The following RUFY3 variants were observed in gnomAD, a reference collection of about 807,000 sequenced individuals.
RUFY3 encodes protein RUFY3.
In RUFY3, 34 loss-of-function variants were observed where a neutral mutation model predicts 84.0. The ratio of observed to expected loss-of-function variants is 0.40; its 90% CI spans 0.31 to 0.54. The LOEUF (loss-of-function observed/expected upper bound fraction) is 0.54. Among genes scored for constraint, RUFY3 ranks in the 20% least tolerant of loss-of-function variants. The probability of loss-of-function intolerance (pLI) is 0.39; values close to 1 mark genes in which losing one functional copy is unlikely to be tolerated. For synonymous variants in RUFY3, 242 were observed against 252.9 expected, an observed-to-expected ratio of 0.96 and a Z score of 0.41; for missense variants, 507 against 736.8, an observed-to-expected ratio of 0.69 and a Z score of 3.61.
chr4:70,719,933 C>T (rs528018135), upstream of RUFY3, among the ~76,000 whole-genome samples: 1 of 152,224 alleles, frequency 6.6e-6, no homozygotes, highest in South Asian at 2.1e-4. Flanking sequence ...GGCTCTGAGT[C>T]TAGATGTAGG....
intron 16 of RUFY3, among the ~76,000 whole-genome samples, chr4:70,803,717 C>T (rs1732522028): frequency 6.7e-6 from 1 of 148,676 alleles, no homozygotes; most frequent in South Asian, 2.1e-4. Context: ...CTATGCTTGC[C>T]ATTCTTTTTT....
chr4:70,726,530 C>T (rs141423295), intron 1 of RUFY3, among the ~76,000 whole-genome samples: 9,494 of 152,198 alleles, frequency 0.062, 381 homozygotes, highest in East Asian at 0.1. Context: ...TGCGCCACCA[C>T]GCCCAGCTAA....
At position 70,768,372 on chromosome 4, in the gene RUFY3, A is replaced by G. The variant is rs577503110; in HGVS notation, c.573-166A>G. Among the ~76,000 whole-genome samples the G allele has an allele frequency of 3.9e-5, 6 of 152,014 alleles. No homozygotes were observed. The East Asian group carries it at 1.2e-3, about 29-fold the overall frequency. On this transcript the variant is annotated intron_variant, in intron 4 of 17. Transcript: ENST00000381006. ...CCACCTATTATTCTAAAAGTAAAATATTTACTAAAGCCTTTCTTTTTGTAG... is the reference window on the plus strand; with the variant it reads ...CCACCTATTATTCTAAAAGTAAAATGTTTACTAAAGCCTTTCTTTTTGTAG...
chr4:70,730,618 A>G (rs1208029069), intron 1 of RUFY3, among the ~76,000 whole-genome samples: 1 of 151,748 alleles, frequency 6.6e-6, no homozygotes, highest in African/African-American at 2.4e-5. Flanking sequence ...AGGTGCCTGT[A>G]ATCCCAACTA....
chr4:70,726,988 TTTTG>T lies in RUFY3; in HGVS notation c.178+4253_178+4256del, dbSNP rs201301130. Among the ~76,000 whole-genome samples the T allele has an allele frequency of 7.6e-3, 1,150 of 151,358 alleles. 10 individuals are homozygous for T. The highest frequency in any genetic ancestry group is 0.021 in the Middle Eastern group (6 of 292). On this transcript the variant is annotated intron_variant, in intron 1 of 17. Coordinates refer to ENST00000381006, the MANE Select transcript of RUFY3 (RefSeq NM_001037442.4). ...CCACCATTGAAATAACCTCTCAGAC[TTTTG>T]TTTGTTTGTTTGTTTTACTTTGTGA...
intron 1 of RUFY3, among the ~76,000 whole-genome samples, chr4:70,760,094 C>G (rs1184168790): frequency 6.6e-6 from 1 of 152,200 alleles, no homozygotes; most frequent in African/African-American, 2.4e-5. Context: ...TAGCACCTTA[C>G]TAATGGAGTC....
intron 1 of RUFY3, among the ~76,000 whole-genome samples, chr4:70,750,688 C>A (rs1722989413): frequency 6.6e-6 from 1 of 152,048 alleles, no homozygotes. Context: ...CATTAATAAC[C>A]ACTCTCTATT....
chr4:70,705,741 C>A (rs1372498186), intron 1 of RUFY3, among the ~76,000 whole-genome samples: 1 of 152,198 alleles, frequency 6.6e-6, no homozygotes, highest in Non-Finnish European at 1.5e-5. Flanking sequence ...CTCTGACCCG[C>A]CTTTTTCGGG....
chr4:70,722,507 T>C lies in RUFY3; in HGVS notation c.-67T>C, dbSNP rs990030275. 4 of 1,459,228 alleles carry C rather than the reference T, an allele frequency of 2.7e-6. No individual in the cohort carries two copies. The highest frequency in any genetic ancestry group is 2.8e-5 in the African/African-American group (2 of 71,680). 90.4% of individuals were successfully genotyped at this position (1,459,228 alleles called of 1,614,324 possible). On this transcript the variant is annotated 5_prime_UTR_variant, in exon 1 of 18. Coordinates refer to ENST00000381006, the MANE Select transcript of RUFY3 (RefSeq NM_001037442.4). ...TTTTTTGGTGAGGAGGTTGTATTTA[T>C]TTTTTTGGTGTGTGTGTGTGAGTGT...
In RUFY3 at chr4:70,722,017, C is replaced by G; in HGVS notation, c.-557C>G. Reference sequence around the variant, plus strand: ...ACCCTGCTTACTGCGCACGGCCAATCCTATGAGAACTCAGCATCCCAGCTC... The same window carrying G: ...ACCCTGCTTACTGCGCACGGCCAATGCTATGAGAACTCAGCATCCCAGCTC... On this transcript the variant is annotated 5_prime_UTR_variant, in exon 1 of 18. In the 5' UTR this introduces an upstream ATG that the reference lacks. Transcript: ENST00000381006. 1 of 1,232,158 alleles carries G rather than the reference C, an allele frequency of 8.1e-7. No homozygotes were observed. Among genetic ancestry groups the G allele is most frequent in the Non-Finnish European group, 1.0e-6 (1 of 987,990 alleles). 76.3% of individuals were successfully genotyped at this position (1,232,158 alleles called of 1,614,324 possible). A position where few individuals can be genotyped will look rare whatever the true frequency, so the allele number is the denominator to read the frequency against.
exon 1 of RUFY3, chr4:70,704,930 A>T: frequency 8.2e-7 from 1 of 1,215,650 alleles, no homozygotes; most frequent in Non-Finnish European, 1.0e-6. Flanking sequence ...CGAAGGAAGG[A>T]GTGAGCATGG....
chr4:70,808,050 C>T lies in RUFY3; in HGVS notation c.*1391C>T, dbSNP rs144674947. On this transcript the variant is annotated 3_prime_UTR_variant, in exon 18 of 18. Transcript: ENST00000381006. ...ATGGTATTTGCATATAACCTACATA[C>T]ATCCTCCTGTGTACTTTAAATCATC... Among the ~76,000 whole-genome samples, 54 of 152,306 alleles carry T rather than the reference C, an allele frequency of 3.5e-4. No homozygotes were observed. The highest frequency in any genetic ancestry group is 1.3e-3 in the African/African-American group (54 of 41,564).
chr4:70,775,802 C>T lies in RUFY3; in HGVS notation c.824+569C>T, dbSNP rs144541511. ...CTCTATTAAAAAACTCAAAACTAGC[C>T]GGGCATGTGCCTGTAGTCCCAGCTA... On this transcript the variant is annotated intron_variant, in intron 7 of 17. Coordinates refer to ENST00000381006, the MANE Select transcript of RUFY3 (RefSeq NM_001037442.4). Among the ~76,000 whole-genome samples the T allele has an allele frequency of 5.5e-3, 835 of 152,004 alleles. 14 individuals carry two copies. The highest frequency in any genetic ancestry group is 0.018 in the African/African-American group (767 of 41,472).
intron 15 of RUFY3, among the ~76,000 whole-genome samples, chr4:70,802,080 G>A (rs973544827): frequency 2.6e-5 from 4 of 152,186 alleles, no homozygotes; most frequent in Non-Finnish European, 5.9e-5. Flanking sequence ...CTTTACAGAT[G>A]AGAAAACTGA....
chr4:70,729,138 T>C (rs1718789812), intron 1 of RUFY3, among the ~76,000 whole-genome samples: 1 of 152,228 alleles, frequency 6.6e-6, no homozygotes, highest in South Asian at 2.1e-4. Flanking sequence ...AATTTAGAGA[T>C]AATATAGGAT....
intron 8 of RUFY3, among the ~76,000 whole-genome samples, chr4:70,782,580 G>A (rs911142314): frequency 6.6e-6 from 1 of 151,952 alleles, no homozygotes; most frequent in Non-Finnish European, 1.5e-5. Flanking sequence ...ACTGCACCTG[G>A]CCAAGGAGAT....
chr4:70,725,336 T>G (rs80318692), intron 1 of RUFY3, among the ~76,000 whole-genome samples: 6,982 of 151,446 alleles, frequency 0.046, 329 homozygotes, highest in East Asian at 0.16. Flanking sequence ...ATATACTCTT[T>G]TTTTTTTTTT....
At chr4:70,767,246 C>T (rs956347322) in intron 4 of RUFY3, among the ~76,000 whole-genome samples, 5 of 149,386 alleles carry the variant, frequency 3.3e-5, no homozygotes, top group African/African-American at 4.9e-5. Flanking sequence ...CCACCATGCC[C>T]GGCTAATTTT....
At chr4:70,732,717 T>C (rs1489367710) in intron 1 of RUFY3, among the ~76,000 whole-genome samples, 1 of 146,920 alleles carries the variant, frequency 6.8e-6, no homozygotes, top group East Asian at 2.0e-4. Flanking sequence ...TGAGAACACA[T>C]GGATACAGGG....
Sources: gnomAD v4.1 joint callset for allele counts (sites outside exome capture counted in the v4.1 genomes callset) on GRCh38, gnomAD v4.1.1 for gene constraint, MANE v1.5 for transcripts, NCBI Gene and HGNC (gene_info 2026-07-23, HGNC 2026-07-21) for gene names.